GPR161: variants seen among roughly 807,000 people sequenced by gnomAD.
The protein encoded by GPR161 is G-protein coupled receptor RE2.
GPR161 carries 25 observed loss-of-function variants against 39.2 expected under a neutral mutation model. The observed-to-expected ratio is 0.64, with a 90% CI of 0.47 to 0.89. The LOEUF (loss-of-function observed/expected upper bound fraction) is 0.89, where lower values mean the gene tolerates loss of function less well. GPR161 is among the 40% of genes least tolerant of loss of function. The pLI is 0.00. For missense variants in GPR161, 547 were observed against 677.8 expected, an observed-to-expected ratio of 0.81 and a Z score of 2.14; for synonymous variants, 286 against 276.6, an observed-to-expected ratio of 1.03 and a Z score of -0.34.
At chr1:168,137,503 G>A, upstream of GPR161, 3 of 997,284 alleles carry the variant, frequency 3.0e-6, no homozygotes, top group Non-Finnish European at 3.1e-6. Flanking sequence ...CGGGGAGTGG[G>A]GAGTGGACGT....
In GPR161 at chr1:168,084,539, T is replaced by G; in HGVS notation, c.*992A>C. ...TGGGTCCAGGGCTGCTTCTATCTTA[T>G]TTATACCAGGCTTGTGATAATAGTA... On this transcript the variant is annotated 3_prime_UTR_variant, in exon 6 of 6. Transcript: ENST00000682931. 1 of 347,814 alleles carries G rather than the reference T, an allele frequency of 2.9e-6. No individual in the cohort carries two copies. The highest frequency in any genetic ancestry group is 2.2e-5 in the South Asian group (1 of 45,020). 21.5% of individuals were successfully genotyped at this position (347,814 alleles called of 1,614,324 possible).
chr1:168,101,741 G>A (rs1696123892), intron 2 of GPR161, among the ~76,000 whole-genome samples: 1 of 152,182 alleles, frequency 6.6e-6, no homozygotes, highest in South Asian at 2.1e-4. Context: ...TGACAAGCGT[G>A]TAACATTTTA....
At chr1:168,136,599 G>T (rs1043442086) in intron 1 of GPR161, 140 bp downstream of exon 1, 19 of 1,233,144 alleles carry the variant, frequency 1.5e-5, no homozygotes, top group Non-Finnish European at 1.9e-5. Flanking sequence ...GGCGCGGGGA[G>T]AAAGGGAGCG....
intron 2 of GPR161, among the ~76,000 whole-genome samples, chr1:168,100,320 G>A (rs1452588421): frequency 6.6e-6 from 1 of 151,368 alleles, no homozygotes; most frequent in African/African-American, 2.4e-5. Context: ...ATTTGCAGCA[G>A]AAGCCTCATT....
chr1:168,120,851 G>C (rs182204827), intron 1 of GPR161, among the ~76,000 whole-genome samples: 1 of 152,254 alleles, frequency 6.6e-6, no homozygotes, highest in Admixed American at 6.5e-5. Flanking sequence ...TAAGTTTCCT[G>C]AGGACTCCCC....
At chr1:168,127,260 G>A (rs1331843626) in intron 1 of GPR161, among the ~76,000 whole-genome samples, 1 of 152,110 alleles carries the variant, frequency 6.6e-6, no homozygotes, top group African/African-American at 2.4e-5. Flanking sequence ...TGAGGCAGGT[G>A]GATTGCCTAA....
chr1:168,113,293 C>T (rs994463055), intron 1 of GPR161, among the ~76,000 whole-genome samples: 6 of 152,304 alleles, frequency 3.9e-5, no homozygotes, highest in South Asian at 2.1e-4. Flanking sequence ...CACTGCTTCT[C>T]CGAGAAACAT....
intron 1 of GPR161, among the ~76,000 whole-genome samples, chr1:168,113,104 A>C (rs189357798): frequency 3.9e-5 from 6 of 152,288 alleles, no homozygotes; most frequent in Admixed American, 3.9e-4. Flanking sequence ...CAGCCAGAGG[A>C]GGCTTCCTGG....
chr1:168,120,595 T>C (rs111496422), intron 1 of GPR161, among the ~76,000 whole-genome samples: 2,144 of 152,250 alleles, frequency 0.014, 43 homozygotes, highest in African/African-American at 0.045. Context: ...GGAAGAATGA[T>C]ATGGTTTGGC....
At chr1:168,123,449 C>A (rs1392594430) in intron 1 of GPR161, among the ~76,000 whole-genome samples, 1 of 151,728 alleles carries the variant, frequency 6.6e-6, no homozygotes, top group Non-Finnish European at 1.5e-5. Context: ...CAGAGCAAGA[C>A]CCTGTCTCAA....
intron 3 of GPR161, among the ~76,000 whole-genome samples, chr1:168,094,567 T>G (rs1191443699): frequency 6.6e-6 from 1 of 152,240 alleles, no homozygotes; most frequent in Non-Finnish European, 1.5e-5. Context: ...GGAAAGGATC[T>G]CCTGTCATCA....
At chr1:168,112,147 A>G (rs1038727406) in intron 1 of GPR161, among the ~76,000 whole-genome samples, 2 of 152,174 alleles carry the variant, frequency 1.3e-5, no homozygotes, top group African/African-American at 4.8e-5. Flanking sequence ...GAAGAAAACA[A>G]TCCAGAGATA....
chr1:168,129,230 C>T (rs565913994), intron 1 of GPR161, among the ~76,000 whole-genome samples: 8 of 152,236 alleles, frequency 5.3e-5, no homozygotes, highest in South Asian at 2.1e-4. Context: ...GAAAATGATG[C>T]GAGGGAACCT....
At chr1:168,125,585 A>G (rs1449908775) in intron 1 of GPR161, among the ~76,000 whole-genome samples, 1 of 151,768 alleles carries the variant, frequency 6.6e-6, no homozygotes, top group East Asian at 1.9e-4. Flanking sequence ...ACAGGCCTGC[A>G]TAACATGTAC....
chr1:168,087,758 C>G (rs1416009026), intron 4 of GPR161, 54 bp from the exon 5 acceptor site: 2 of 1,535,264 alleles, frequency 1.3e-6, no homozygotes, highest in African/African-American at 2.8e-5. Flanking sequence ...GTCCTCCTGG[C>G]CTCTTCTCCC....
chr1:168,096,183 C>G (rs116472995), intron 3 of GPR161, among the ~76,000 whole-genome samples: 1 of 144,090 alleles, frequency 6.9e-6, no homozygotes, highest in African/African-American at 2.5e-5. Flanking sequence ...TAACTATACA[C>G]ACTCTGAGGC....
intron 2 of GPR161, among the ~76,000 whole-genome samples, chr1:168,097,646 CG>C (rs1558101457): frequency 6.6e-6 from 1 of 152,172 alleles, no homozygotes; most frequent in East Asian, 1.9e-4. Context: ...TGAAGGACTA[CG>C]GGCTTCATTC....
At chr1:168,135,573 G>A (rs1699292965) in intron 1 of GPR161, among the ~76,000 whole-genome samples, 1 of 152,178 alleles carries the variant, frequency 6.6e-6, no homozygotes, top group Non-Finnish European at 1.5e-5. Context: ...TGCTCCCAGT[G>A]GCTGCAGTAA....
At chr1:168,136,966 C>A (rs1185967896), upstream of GPR161, 38 of 937,580 alleles carry the variant, frequency 4.1e-5, no homozygotes, top group South Asian at 5.0e-5. Flanking sequence ...CCGCCCCCCC[C>A]ACGCCCGGCC....
Sources: allele counts gnomAD v4.1 joint callset (sites outside exome capture counted in the v4.1 genomes callset), GRCh38; gene constraint gnomAD v4.1.1; transcripts MANE v1.5; gene names NCBI Gene and HGNC (gene_info 2026-07-23, HGNC 2026-07-21).